GLB1: variants seen among roughly 807,000 people sequenced by gnomAD.
GLB1 encodes galactosidase beta 1.
In GLB1, 56 loss-of-function variants were observed where a neutral mutation model predicts 74.0. The observed-to-expected ratio is 0.76, with a 90% CI of 0.61 to 0.94. The LOEUF is 0.94. Ranked by LOEUF, GLB1 falls within the 40% of genes least tolerant of loss-of-function variation. The probability of loss-of-function intolerance (pLI) is 0.00; values close to 1 mark genes in which losing one functional copy is unlikely to be tolerated. For synonymous variants in GLB1, 323 were observed against 323.6 expected (o/e 1.00, Z 0.02); for missense variants, 787 against 845.5 (o/e 0.93, Z 0.86).
At chr3:33,082,566 C>T (rs1412094131) in intron 1 of GLB1, among the ~76,000 whole-genome samples, 2 of 152,154 alleles carry the variant, frequency 1.3e-5, no homozygotes, top group African/African-American at 4.8e-5. Flanking sequence ...CTTAATTAAC[C>T]GAGTAGTAGC....
chr3:33,011,091 A>C (rs969552978), intron 15 of GLB1, among the ~76,000 whole-genome samples: 4 of 152,180 alleles, frequency 2.6e-5, no homozygotes, highest in Non-Finnish European at 5.9e-5. Context: ...TCCTGGCCTC[A>C]GGTGATCCAC....
chr3:32,986,594 C>CTTTTTTT, the GLB1 span, among the ~76,000 whole-genome samples: 470 of 142,380 alleles, frequency 3.3e-3, 3 homozygotes, highest in African/African-American at 0.012. Flanking sequence ...GACTGTTTCT[C>CTTTTTTT]TTTTTTTTTT....
At chr3:32,985,416 A>C in the GLB1 span, among the ~76,000 whole-genome samples, 12 of 151,806 alleles carry the variant, frequency 7.9e-5, no homozygotes, top group African/African-American at 2.7e-4. Flanking sequence ...TTAGCCTCCC[A>C]AGTAGCTGGG....
At chr3:33,086,438 C>T (rs1480946691) in intron 1 of GLB1, among the ~76,000 whole-genome samples, 2 of 152,172 alleles carry the variant, frequency 1.3e-5, no homozygotes, top group African/African-American at 4.8e-5. Flanking sequence ...TTACAAATCA[C>T]TATTCTGCAA....
intron 15 of GLB1, among the ~76,000 whole-genome samples, chr3:33,009,154 T>TAAATAAATAAATAAATAAATAAATAAAA (rs761134064): frequency 3.0e-5 from 4 of 131,518 alleles, no homozygotes; most frequent in Non-Finnish European, 5.1e-5. Flanking sequence ...AATAAATAAA[T>TAAATAAATAAATAAATAAATAAATAAAA]AAAAAAGATT....
intron 15 of GLB1, among the ~76,000 whole-genome samples, chr3:33,012,901 T>A (rs971804474): frequency 2.0e-5 from 3 of 152,220 alleles, no homozygotes; most frequent in South Asian, 2.1e-4. Context: ...AGTTTCTCAA[T>A]GAGACTATGG....
chr3:33,056,701 T>A (rs984313599), intron 6 of GLB1, among the ~76,000 whole-genome samples: 2 of 152,204 alleles, frequency 1.3e-5, no homozygotes, highest in Non-Finnish European at 2.9e-5. Context: ...ATATACACTA[T>A]CAGTTTCTCT....
At chr3:33,016,516 C>A (rs1376793249) in intron 14 of GLB1, among the ~76,000 whole-genome samples, 193 bp downstream of exon 14, 3 of 152,156 alleles carry the variant, frequency 2.0e-5, no homozygotes, top group African/African-American at 4.8e-5. Context: ...GTCACCACAC[C>A]TGGCTAAGTT....
In GLB1 at chr3:33,005,607, C is replaced by T. The variant is rs115444563; in HGVS notation, c.1735-8263G>A. Among the ~76,000 whole-genome samples the T allele has an allele frequency of 8.4e-3, 1,283 of 152,240 alleles. 21 individuals carry two copies. The highest frequency in any genetic ancestry group is 0.029 in the African/African-American group (1,188 of 41,538). On this transcript the variant is annotated intron_variant, in intron 15 of 15. Coordinates refer to ENST00000307363, the MANE Select transcript of GLB1 (RefSeq NM_000404.4). ...GATTTGCTGGGCTCAAGCAATCCTC[C>T]CATCTCCCACCAAGTAGCTGGGACT...
the GLB1 span, among the ~76,000 whole-genome samples, chr3:32,980,761 A>G: frequency 8.7e-3 from 1,325 of 151,776 alleles, 10 homozygotes; most frequent in Middle Eastern, 0.017. Flanking sequence ...AGACTGGGCC[A>G]CAGAGTGAGA....
intron 15 of GLB1, among the ~76,000 whole-genome samples, chr3:33,001,540 TTTTTTC>T (rs1696568700): frequency 6.6e-6 from 1 of 152,206 alleles, no homozygotes; most frequent in African/African-American, 2.4e-5. Context: ...TATCCTTTCA[TTTTTTC>T]TTTTTCTTCT....
At chr3:33,001,167 C>T (rs1696548650) in intron 15 of GLB1, among the ~76,000 whole-genome samples, 1 of 150,826 alleles carries the variant, frequency 6.6e-6, no homozygotes, top group African/African-American at 2.4e-5. Flanking sequence ...TTCTCTTCTC[C>T]TCTCCTCTTC....
At chr3:32,981,103 A>AAG in the GLB1 span, among the ~76,000 whole-genome samples, 1 of 149,828 alleles carries the variant, frequency 6.7e-6, no homozygotes, top group Admixed American at 6.7e-5. Context: ...AAAAAAAAAA[A>AAG]AAAAAAAAAA....
intron 9 of GLB1, among the ~76,000 whole-genome samples, chr3:33,048,562 G>A (rs375170053): frequency 1.3e-5 from 2 of 152,158 alleles, no homozygotes; most frequent in African/African-American, 4.8e-5. Flanking sequence ...GGGTGGGATG[G>A]GCAGTGAACT....
At chr3:32,979,851 C>CAAAAAAAA in the GLB1 span, among the ~76,000 whole-genome samples, 1 of 25,220 alleles carries the variant, frequency 4.0e-5, no homozygotes, top group African/African-American at 1.5e-4. Flanking sequence ...GACCCTGTCT[C>CAAAAAAAA]AAAAAAAAAA....
intron 5 of GLB1, among the ~76,000 whole-genome samples, chr3:33,065,230 T>C (rs1699622878): frequency 6.6e-6 from 1 of 152,114 alleles, no homozygotes; most frequent in Non-Finnish European, 1.5e-5. Context: ...AGAAGGTGGT[T>C]GGAAGAATTG....
chr3:33,030,746 A>G (rs1050502164), intron 10 of GLB1: 33 of 985,286 alleles, frequency 3.3e-5, no homozygotes, highest in Non-Finnish European at 3.9e-5. Context: ...CCTCACTACC[A>G]CTTGATTAAT....
At chr3:33,086,126 G>C (rs746787790) in intron 1 of GLB1, among the ~76,000 whole-genome samples, 3 of 151,824 alleles carry the variant, frequency 2.0e-5, no homozygotes, top group African/African-American at 2.4e-5. Flanking sequence ...GCCAAAGATG[G>C]GCTATTTTGA....
chr3:33,076,715 C>T (rs1053980031), intron 1 of GLB1, among the ~76,000 whole-genome samples: 1 of 152,124 alleles, frequency 6.6e-6, no homozygotes, highest in Non-Finnish European at 1.5e-5. Context: ...AATATGACTA[C>T]GTGTATATTA....
Sources: gnomAD v4.1 joint callset for allele counts (sites outside exome capture counted in the v4.1 genomes callset) on GRCh38, gnomAD v4.1.1 for gene constraint, MANE v1.5 for transcripts, NCBI Gene and HGNC (gene_info 2026-07-23, HGNC 2026-07-21) for gene names.